The following SLC24A2 variants were observed in gnomAD, a reference collection of about 807,000 sequenced individuals.
SLC24A2 encodes the protein sodium/potassium/calcium exchanger 2.
A neutral mutation model predicts 62.0 loss-of-function variants in SLC24A2; 36 were observed. The observed-to-expected ratio is 0.58, with a 90% CI of 0.44 to 0.77. SLC24A2 has a LOEUF of 0.77. Ranked by LOEUF, SLC24A2 falls within the 30% of genes least tolerant of loss-of-function variation. The pLI is 0.00. For missense variants in SLC24A2, 846 were observed against 817.9 expected, an observed-to-expected ratio of 1.03 and a Z score of -0.42; for synonymous variants, 358 against 294.0, an observed-to-expected ratio of 1.22 and a Z score of -2.23.
At chr9:20,231,197 A>G in the SLC24A2 span, among the ~76,000 whole-genome samples, 1,557 of 152,256 alleles carry the variant, frequency 0.01, 28 homozygotes, top group African/African-American at 0.034. Context: ...TTTTGGCTTA[A>G]GATTGACTGG....
At chr9:19,560,470 A>G (rs932627012) in intron 7 of SLC24A2, among the ~76,000 whole-genome samples, 3 of 152,180 alleles carry the variant, frequency 2.0e-5, no homozygotes, top group Non-Finnish European at 4.4e-5. Flanking sequence ...CTCTGTCTCT[A>G]TGTCCCCCTC....
chr9:19,524,520 T>C (rs1264089088), intron 9 of SLC24A2, among the ~76,000 whole-genome samples: 1 of 152,032 alleles, frequency 6.6e-6, no homozygotes, highest in African/African-American at 2.4e-5. Context: ...ATAGCATTTA[T>C]GATAAAAGTG....
chr9:19,979,058 G>T, the SLC24A2 span, among the ~76,000 whole-genome samples: 1 of 152,322 alleles, frequency 6.6e-6, no homozygotes, highest in East Asian at 1.9e-4. Flanking sequence ...ACAGGTAGGT[G>T]TGTGAAGAGC....
chr9:19,557,841 C>T (rs79936673), intron 7 of SLC24A2, among the ~76,000 whole-genome samples: 7,765 of 147,778 alleles, frequency 0.053, 670 homozygotes, highest in African/African-American at 0.18. Flanking sequence ...GACAGGGTCT[C>T]ACTCTGTCAC....
chr9:19,920,706 G>A, the SLC24A2 span, among the ~76,000 whole-genome samples: 922 of 152,306 alleles, frequency 6.1e-3, 5 homozygotes, highest in Non-Finnish European at 0.011. Context: ...CTTCCCACTA[G>A]CCTGTGTGTG....
chr9:19,531,030 T>C (rs748405435), intron 8 of SLC24A2, among the ~76,000 whole-genome samples: 2 of 152,124 alleles, frequency 1.3e-5, no homozygotes, highest in Non-Finnish European at 2.9e-5. Flanking sequence ...CATACCAGGC[T>C]CTGCTCTGAA....
chr9:19,716,522 G>A (rs1820864961), intron 2 of SLC24A2, among the ~76,000 whole-genome samples: 2 of 152,122 alleles, frequency 1.3e-5, no homozygotes, highest in Admixed American at 1.3e-4. Flanking sequence ...GTGATCCCAG[G>A]GGAGATCTGA....
chr9:19,846,531 T>C, the SLC24A2 span, among the ~76,000 whole-genome samples: 1 of 152,178 alleles, frequency 6.6e-6, no homozygotes, highest in African/African-American at 2.4e-5. Context: ...ATGGGTCTTA[T>C]TTTTTAAATC....
the SLC24A2 span, among the ~76,000 whole-genome samples, chr9:20,242,778 T>A: frequency 6.6e-6 from 1 of 152,220 alleles, no homozygotes; most frequent in African/African-American, 2.4e-5. Flanking sequence ...CATTAATGGC[T>A]TTGTCATTTG....
intron 8 of SLC24A2, among the ~76,000 whole-genome samples, chr9:19,544,009 T>G (rs1341584860): frequency 6.6e-6 from 1 of 152,168 alleles, no homozygotes; most frequent in Non-Finnish European, 1.5e-5. Flanking sequence ...CTCATTGATG[T>G]GTCTAATATT....
the SLC24A2 span, chr9:19,968,049 C>T: frequency 6.6e-6 from 1 of 152,178 alleles, no homozygotes; most frequent in African/African-American, 2.4e-5. Context: ...AAGTTGCTTA[C>T]TCTCTTGGTT....
chr9:19,816,222 A>T, the SLC24A2 span, among the ~76,000 whole-genome samples: 2 of 151,916 alleles, frequency 1.3e-5, no homozygotes, highest in African/African-American at 2.4e-5. Flanking sequence ...CCACATGGTT[A>T]TTCAGGGACT....
the SLC24A2 span, among the ~76,000 whole-genome samples, chr9:19,820,325 T>G: frequency 6.7e-6 from 1 of 150,150 alleles, no homozygotes; most frequent in Admixed American, 6.7e-5. Flanking sequence ...ACTACAAATA[T>G]GGTGTAGTGT....
At chr9:20,105,726 A>C in the SLC24A2 span, among the ~76,000 whole-genome samples, 1 of 151,958 alleles carries the variant, frequency 6.6e-6, no homozygotes, top group Non-Finnish European at 1.5e-5. Flanking sequence ...TATAGCACTA[A>C]ATGCCCACAA....
intron 7 of SLC24A2, 128 bp downstream of exon 7, chr9:19,573,223 A>G (rs1018277454): frequency 8.8e-6 from 6 of 683,582 alleles, no homozygotes; most frequent in African/African-American, 7.1e-5. Flanking sequence ...ACAAGGATGT[A>G]TAAGGCCCTA....
the SLC24A2 span, among the ~76,000 whole-genome samples, chr9:20,092,875 G>A: frequency 2.6e-5 from 4 of 152,110 alleles, no homozygotes; most frequent in Non-Finnish European, 5.9e-5. Context: ...ACTCATAGAA[G>A]AAGAAAGTAG....
chr9:19,862,322 A>G, the SLC24A2 span, among the ~76,000 whole-genome samples: 2 of 152,160 alleles, frequency 1.3e-5, no homozygotes, highest in African/African-American at 4.8e-5. Flanking sequence ...AAGAACTTTT[A>G]CCCTAGAATA....
At chr9:19,791,653 G>A (rs553803609), upstream of SLC24A2, among the ~76,000 whole-genome samples, 14 of 152,336 alleles carry the variant, frequency 9.2e-5, no homozygotes, top group African/African-American at 2.4e-4. Context: ...ATCACACTAC[G>A]TGGAAGCAGA....
chr9:19,572,096 T>C (rs953658762), intron 7 of SLC24A2, among the ~76,000 whole-genome samples: 2 of 147,110 alleles, frequency 1.4e-5, no homozygotes, highest in Non-Finnish European at 3.0e-5. Flanking sequence ...TGAAACCCCA[T>C]CTCTACTAAA....
Sources: gnomAD v4.1 joint callset for allele counts (sites outside exome capture counted in the v4.1 genomes callset) on GRCh38, gnomAD v4.1.1 for gene constraint, MANE v1.5 for transcripts, NCBI Gene and HGNC (gene_info 2026-07-23, HGNC 2026-07-21) for gene names.